Variants in ADGRV1 observed in about 807,000 individuals in gnomAD.
The protein encoded by ADGRV1 is G-protein coupled receptor 98.
In ADGRV1, 359 loss-of-function variants were observed where a neutral mutation model predicts 596.2. The observed-to-expected ratio is 0.60, with a 90% CI of 0.55 to 0.66. The LOEUF is 0.66. Among genes scored for constraint, ADGRV1 ranks in the 30% least tolerant of loss-of-function variants. The pLI, the probability that ADGRV1 is intolerant of heterozygous loss-of-function variation, is 0.00. For missense variants in ADGRV1, 7,274 were observed against 7,575.6 expected (o/e 0.96, Z 1.48); for synonymous variants, 2,681 against 2,679.2 (o/e 1.00, Z -0.02).
intron 85 of ADGRV1, 117 bp downstream of exon 85, chr5:90,985,639 T>A (rs1780429472): frequency 4.3e-6 from 3 of 690,120 alleles, no homozygotes; most frequent in Non-Finnish European, 7.3e-6. Context: ...TGCCACAGTG[T>A]CTGAAGCTCT....
intron 85 of ADGRV1, among the ~76,000 whole-genome samples, chr5:91,035,825 G>A (rs1784811377): frequency 1.4e-5 from 1 of 72,936 alleles, no homozygotes; most frequent in African/African-American, 4.2e-5. Flanking sequence ...TATGGATGTT[G>A]TAAGTAATAA....
At chr5:90,608,137 G>A (rs1043976614) in intron 1 of ADGRV1, among the ~76,000 whole-genome samples, 2 of 151,822 alleles carry the variant, frequency 1.3e-5, no homozygotes, top group African/African-American at 2.4e-5. Context: ...TCAAAGAATC[G>A]GTAATTAAGA....
At chr5:90,824,545 G>T (rs1763906349) in intron 76 of ADGRV1, among the ~76,000 whole-genome samples, 1 of 152,158 alleles carries the variant, frequency 6.6e-6, no homozygotes, top group African/African-American at 2.4e-5. Context: ...TCACATCATT[G>T]TTTTTTGCTT....
In ADGRV1 at chr5:90,791,071, A is replaced by G. The variant is rs755596802; in HGVS notation, c.14242A>G (p.Ser4748Gly). The G allele has an allele frequency of 3.1e-6, 5 of 1,613,962 alleles. No individual in the cohort carries two copies. The highest frequency in any genetic ancestry group is 1.7e-4 in the Middle Eastern group (1 of 6,060). ...AGGAGCCGAACTGGATCTGGAGAAG[A>G]GTATCACATGGTTCTCTGTTTATGC... Reference protein sequence around the residue: ...EGGAELDLEKSITWFSVYAND... With the variant: ...EGGAELDLEKGITWFSVYAND... The change falls in exon 70 of 90, where the codon AGT becomes GGT. Residue 4748 changes from serine (S) to glycine (G), a missense_variant. Ser to Gly is a moderately conservative substitution (Grantham distance 56, BLOSUM62 0). This residue lies in a region of ADGRV1 where 1,874 missense variants were observed against 1,970.2 expected (regional missense o/e 0.95). Transcript: ENST00000405460.
At chr5:90,727,904 A>G (rs980441127) in intron 48 of ADGRV1, among the ~76,000 whole-genome samples, 1 of 152,154 alleles carries the variant, frequency 6.6e-6, no homozygotes, top group African/African-American at 2.4e-5. Flanking sequence ...TTGATTTCCC[A>G]AATACCTTCA....
At chr5:90,975,350 G>A (rs1191809389) in intron 84 of ADGRV1, among the ~76,000 whole-genome samples, 1 of 151,978 alleles carries the variant, frequency 6.6e-6, no homozygotes, top group South Asian at 2.1e-4. Context: ...CCCGTTACTG[G>A]GTATATACCC....
chr5:91,078,033 T>G (rs999043067), intron 86 of ADGRV1, among the ~76,000 whole-genome samples: 5 of 152,088 alleles, frequency 3.3e-5, no homozygotes, highest in Admixed American at 2.6e-4. Flanking sequence ...TATATGAAAA[T>G]GGAAATGTGG....
intron 21 of ADGRV1, among the ~76,000 whole-genome samples, chr5:90,671,446 G>A (rs1390196743): frequency 6.6e-6 from 1 of 152,122 alleles, no homozygotes; most frequent in East Asian, 1.9e-4. Context: ...TTAGAATGTT[G>A]CCCCTGGTGT....
intron 87 of ADGRV1, among the ~76,000 whole-genome samples, chr5:91,146,207 G>A (rs773282124): frequency 3.9e-5 from 6 of 151,944 alleles, no homozygotes; most frequent in African/African-American, 7.3e-5. Context: ...ACTTGCTTCC[G>A]AAACATCAGG....
chr5:90,857,315 T>C (rs1581341681), intron 82 of ADGRV1, among the ~76,000 whole-genome samples: 1 of 152,216 alleles, frequency 6.6e-6, no homozygotes, highest in Admixed American at 6.5e-5. Flanking sequence ...TCATTTTACA[T>C]GTTTCCATAG....
At position 90,724,956 on chromosome 5, in the gene ADGRV1, T is replaced by G. The variant is rs1386575434; in HGVS notation, c.9873T>G (p.Val3291=). 3 of 1,606,468 alleles carry G rather than the reference T, an allele frequency of 1.9e-6. No homozygotes were observed. Among genetic ancestry groups the G allele is most frequent in the Non-Finnish European group, 2.5e-6 (3 of 1,177,268 alleles). ...TGTTAAGAAAATCATCTGTTACTGT[T>G]TACCGATGGCAGGGGATTTTTATTC... ...GIMLRKSSVT[V]YRWQGIFIPV... is the part of the protein sequence containing the mutation. The change falls in exon 46 of 90, where the codon GTT becomes GTG. Residue 3291 remains valine (V), a synonymous_variant. Coordinates refer to ENST00000405460, the MANE Select transcript of ADGRV1 (RefSeq NM_032119.4).
Position 90,681,403 on chromosome 5 carries a change from C to A in ADGRV1, c.5613C>A (p.Leu1871=), listed in dbSNP as rs1170471483. 1 of 1,613,898 alleles carries A rather than the reference C, an allele frequency of 6.2e-7. No homozygotes were observed. Among genetic ancestry groups the A allele is most frequent in the Non-Finnish European group, 8.5e-7 (1 of 1,179,826 alleles). Residue 1871 remains leucine, a synonymous_variant, in exon 27 of 90, where the codon CTC becomes CTA. Coordinates refer to ENST00000405460, the MANE Select transcript of ADGRV1 (RefSeq NM_032119.4). ...HGVFEFSPES[L]FVSGTEPEDG... ...TATTTGAATTTAGCCCTGAGTCACT[C>A]TTTGTCAGTGGAACTGAACCAGAAG... is the stretch of plus-strand genomic sequence containing the variant.
chr5:90,619,336 A>G (rs185748582), intron 4 of ADGRV1, among the ~76,000 whole-genome samples, 155 bp downstream of exon 4: 2 of 152,302 alleles, frequency 1.3e-5, no homozygotes, highest in African/African-American at 4.8e-5. Context: ...TCTGTAGACC[A>G]TTCATTTGTT....
intron 85 of ADGRV1, among the ~76,000 whole-genome samples, chr5:91,033,449 A>G (rs1784636249): frequency 6.6e-6 from 1 of 152,218 alleles, no homozygotes; most frequent in Non-Finnish European, 1.5e-5. Context: ...TGTCACATGT[A>G]CATGGGACAA....
chr5:90,568,784 T>C (rs926569594), intron 1 of ADGRV1, among the ~76,000 whole-genome samples: 5 of 152,220 alleles, frequency 3.3e-5, no homozygotes, highest in Non-Finnish European at 1.5e-5. Context: ...TCATGTGTTT[T>C]GGGATTGGCT....
chr5:91,093,898 C>T (rs964128498), intron 86 of ADGRV1, among the ~76,000 whole-genome samples: 1 of 148,208 alleles, frequency 6.7e-6, no homozygotes, highest in Non-Finnish European at 1.5e-5. Flanking sequence ...GTCACCCAGG[C>T]TGGAGTGCAG....
At chr5:90,679,720 C>CACATAG in intron 26 of ADGRV1, 91 bp downstream of exon 26, 5 of 766,076 alleles carry the variant, frequency 6.5e-6, no homozygotes, top group South Asian at 1.8e-5. Flanking sequence ...TTGACACCTA[C>CACATAG]TATGTGTAGG....
chr5:90,851,102 G>GGTGTGTGTGTGTGTGT (rs371933419), intron 79 of ADGRV1, among the ~76,000 whole-genome samples: 47 of 50,622 alleles, frequency 9.3e-4, no homozygotes, highest in Non-Finnish European at 1.2e-3. Flanking sequence ...AGCTAGGTAG[G>GGTGTGTGTGTGTGTGT]GTGTGTGTGT....
intron 77 of ADGRV1, among the ~76,000 whole-genome samples, chr5:90,836,511 T>C (rs1764984399): frequency 3.3e-5 from 5 of 152,106 alleles, no homozygotes; most frequent in Admixed American, 1.3e-4. Context: ...TTCTATAATA[T>C]TATTGAAATT....
Sources: allele counts gnomAD v4.1 joint callset (sites outside exome capture counted in the v4.1 genomes callset), GRCh38; gene constraint gnomAD v4.1.1; regional missense constraint gnomAD v4.1.1; transcripts MANE v1.5; gene names NCBI Gene and HGNC (gene_info 2026-07-23, HGNC 2026-07-21).